ERBB4: variants seen among roughly 807,000 people sequenced by gnomAD.
ERBB4 encodes erb-b2 receptor tyrosine kinase 4, also known as receptor tyrosine-protein kinase erbB-4.
In ERBB4, 42 loss-of-function variants were observed where a neutral mutation model predicts 158.0. That is an observed-to-expected ratio of 0.27 (90% CI 0.21 to 0.34). ERBB4 has a LOEUF of 0.34. ERBB4 is among the 10% of genes least tolerant of loss of function. The pLI is 1.00. For missense variants in ERBB4, 1,333 were observed against 1,624.1 expected, an observed-to-expected ratio of 0.82 and a Z score of 3.08; for synonymous variants, 583 against 558.7, an observed-to-expected ratio of 1.04 and a Z score of -0.61.
At chr2:211,867,865 C>A (rs1032072574) in intron 3 of ERBB4, among the ~76,000 whole-genome samples, 1 of 152,186 alleles carries the variant, frequency 6.6e-6, no homozygotes, top group African/African-American at 2.4e-5. Flanking sequence ...TATGTATGTT[C>A]AATCCATCCA....
intron 25 of ERBB4, among the ~76,000 whole-genome samples, chr2:211,394,378 G>T (rs1170726042): frequency 6.6e-6 from 1 of 152,020 alleles, no homozygotes; most frequent in African/African-American, 2.4e-5. Flanking sequence ...GTATTGTTTG[G>T]TTGGTTCTAG....
At position 211,669,674 on chromosome 2, in the gene ERBB4, C is replaced by T. The variant is rs188836630; in HGVS notation, c.1716+3490G>A. Among the ~76,000 whole-genome samples the T allele has an allele frequency of 7.2e-5, 11 of 152,228 alleles. No homozygotes were observed. In the East Asian group the frequency reaches 9.7e-4, roughly 13 times the overall value. On this transcript the variant is annotated intron_variant, in intron 14 of 27. Transcript: ENST00000342788. ...TCCAATCTATCCCTTGCAAGATTAC[C>T]GTAAATTTCTGTCATTTTTAAGTAG...
intron 1 of ERBB4, among the ~76,000 whole-genome samples, chr2:212,475,755 A>G (rs11883738): frequency 1.1e-3 from 169 of 152,296 alleles, no homozygotes; most frequent in African/African-American, 4.0e-3. Context: ...CTTATGAATT[A>G]GAACAAAAGT....
Position 211,552,701 on chromosome 2 carries a change from C to G in ERBB4, c.2487+9202G>C, listed in dbSNP as rs1188588112. The stretch of plus-strand genomic sequence containing the variant: ...TTTTGAAAGGTAATAGTGGCCTATA[C>G]TCAGTATTCAGGCTTTACAAATACA... On this transcript the variant is annotated intron_variant, in intron 20 of 27. Transcript: ENST00000342788. 2.6e-5 allele frequency among the ~76,000 whole-genome samples: 4 copies of G among 152,224 alleles called. 1 individual carries two copies. The South Asian group carries it at 6.2e-4, about 24-fold the overall frequency.
At chr2:212,068,127 T>C (rs967042779) in intron 2 of ERBB4, among the ~76,000 whole-genome samples, 1 of 152,012 alleles carries the variant, frequency 6.6e-6, no homozygotes, top group Non-Finnish European at 1.5e-5. Flanking sequence ...TCACAGTAGT[T>C]TCTCTGGTGT....
At chr2:211,730,396 A>C (rs2074390614) in intron 5 of ERBB4, among the ~76,000 whole-genome samples, 1 of 151,824 alleles carries the variant, frequency 6.6e-6, no homozygotes, top group South Asian at 2.1e-4. Context: ...AATAAGGATA[A>C]ATTTAGGCAA....
intron 1 of ERBB4, among the ~76,000 whole-genome samples, chr2:212,189,680 A>T (rs527910476): frequency 4.9e-4 from 75 of 152,372 alleles, no homozygotes; most frequent in African/African-American, 1.7e-3. Flanking sequence ...AAAACATTAA[A>T]TAAAATATTG....
Position 212,194,291 on chromosome 2 carries a change from T to TACACACACACACACAC in ERBB4, c.83-69404_83-69389dup, listed in dbSNP as rs5838307. ...ATTTATATATAGTTTAAATAGTTTA[T>TACACACACACACACAC]ACACACACACACACACACACACACA... On this transcript the variant is annotated intron_variant, in intron 1 of 27. Transcript: ENST00000342788. Among the ~76,000 whole-genome samples the TACACACACACACACAC allele has an allele frequency of 6.5e-3, 965 of 148,814 alleles. 4 individuals are homozygous for TACACACACACACACAC. The highest frequency in any genetic ancestry group is 0.012 in the South Asian group (55 of 4,630).
In ERBB4 at chr2:211,713,581, T is replaced by C. The variant is rs2073787388; in HGVS notation, c.951A>G (p.Glu317=). ...AAGGTTTACACATTTTAATCCCATT[T>C]TCTTCTACTTCCATCTTGGAACTAG... ...ACPSSKMEVE[E]NGIKMCKPCT... The change falls in exon 8 of 28, where the codon GAA becomes GAG. Residue 317 remains glutamate, a synonymous_variant. Transcript: ENST00000342788. The C allele has an allele frequency of 6.2e-7, 1 of 1,613,106 alleles. No individual in the cohort carries two copies.
At chr2:212,344,259 G>A (rs1400553794) in intron 1 of ERBB4, among the ~76,000 whole-genome samples, 1 of 152,056 alleles carries the variant, frequency 6.6e-6, no homozygotes, top group Non-Finnish European at 1.5e-5. Context: ...CTTTGTTGTG[G>A]GGACTATCCT....
intron 3 of ERBB4, among the ~76,000 whole-genome samples, chr2:211,835,229 G>A (rs770508317): frequency 6.6e-6 from 1 of 152,002 alleles, no homozygotes; most frequent in South Asian, 2.1e-4. Context: ...CAAAAGTTAC[G>A]CAAAGTAACA....
intron 1 of ERBB4, among the ~76,000 whole-genome samples, chr2:212,431,419 G>A (rs1028134564): frequency 2.8e-4 from 41 of 147,524 alleles, no homozygotes; most frequent in African/African-American, 9.0e-4. Flanking sequence ...CCTTTAAAAC[G>A]TATACAGAAT....
At chr2:211,477,707 A>G (rs766390483) in intron 20 of ERBB4, among the ~76,000 whole-genome samples, 1 of 151,490 alleles carries the variant, frequency 6.6e-6, no homozygotes, top group Non-Finnish European at 1.5e-5. Flanking sequence ...GTCACTTGCT[A>G]TTAATAATAG....
chr2:211,414,500 T>TAAAAAAAAAAAA (rs71047174), intron 25 of ERBB4, among the ~76,000 whole-genome samples: 4 of 102,090 alleles, frequency 3.9e-5, no homozygotes, highest in East Asian at 5.4e-4. Context: ...CAGTCTCAAT[T>TAAAAAAAAAAAA]AAAAAAAAAA....
chr2:211,899,398 C>T (rs1370538796), intron 3 of ERBB4, among the ~76,000 whole-genome samples: 2 of 152,002 alleles, frequency 1.3e-5, no homozygotes, highest in East Asian at 1.9e-4. Flanking sequence ...ATTTTAAATT[C>T]GGGCAATTCA....
At chr2:212,339,728 T>C (rs2088612320) in intron 1 of ERBB4, among the ~76,000 whole-genome samples, 1 of 152,122 alleles carries the variant, frequency 6.6e-6, no homozygotes, top group Admixed American at 6.6e-5. Flanking sequence ...TTCTAAAAAC[T>C]TGGGGTTTTA....
chr2:212,099,388 T>TA (rs1276913600), intron 2 of ERBB4, among the ~76,000 whole-genome samples: 2 of 152,042 alleles, frequency 1.3e-5, no homozygotes, highest in African/African-American at 2.4e-5. Flanking sequence ...AAAATTATAA[T>TA]AAAAAAGTAT....
intron 19 of ERBB4, among the ~76,000 whole-genome samples, chr2:211,579,630 G>A (rs878857551): frequency 6.6e-6 from 1 of 152,114 alleles, no homozygotes; most frequent in Non-Finnish European, 1.5e-5. Context: ...AAAAAGGAAT[G>A]AGATCATGTC....
At position 212,113,903 on chromosome 2, in the gene ERBB4, T is replaced by G. The variant is rs934540084; in HGVS notation, c.234+10849A>C. Reference sequence around the variant, plus strand: ...AAGACACTATAAAGAGGAACTTCAGTTGGAAAAGTAAGTAATGTAAAGTAA... The same window carrying G: ...AAGACACTATAAAGAGGAACTTCAGGTGGAAAAGTAAGTAATGTAAAGTAA... On this transcript the variant is annotated intron_variant, in intron 2 of 27. Transcript: ENST00000342788. 2.0e-5 allele frequency among the ~76,000 whole-genome samples: 3 copies of G among 152,208 alleles called. No homozygotes were observed. The East Asian group carries it at 5.8e-4, about 29-fold the overall frequency.
Sources: gnomAD v4.1 joint callset for allele counts (sites outside exome capture counted in the v4.1 genomes callset) on GRCh38, gnomAD v4.1.1 for gene constraint, MANE v1.5 for transcripts, NCBI Gene and HGNC (gene_info 2026-07-23, HGNC 2026-07-21) for gene names.